ANO3: variants seen among roughly 807,000 people sequenced by gnomAD.
ANO3 encodes the protein anoctamin 3, also known as anoctamin-3.
A neutral mutation model predicts 144.8 loss-of-function variants in ANO3; 99 were observed. That is an observed-to-expected ratio of 0.68 (90% confidence interval 0.58 to 0.81). The LOEUF (loss-of-function observed/expected upper bound fraction) is 0.81. Ranked by LOEUF, ANO3 falls within the 30% of genes least tolerant of loss-of-function variation. ANO3 has a pLI of 0.00. For synonymous variants in ANO3, 414 were observed against 392.6 expected (o/e 1.05, Z -0.64); for missense variants, 905 against 1,202.2 (o/e 0.75, Z 3.66).
chr11:26,584,552 C>A (rs1186234959), intron 14 of ANO3, among the ~76,000 whole-genome samples: 1 of 152,014 alleles, frequency 6.6e-6, no homozygotes, highest in Non-Finnish European at 1.5e-5. Context: ...AAATTCAGTT[C>A]AATTTGATGA....
chr11:26,424,934 A>C (rs1857875420), intron 1 of ANO3, among the ~76,000 whole-genome samples: 1 of 152,030 alleles, frequency 6.6e-6, no homozygotes, highest in African/African-American at 2.4e-5. Context: ...CATGTGCACA[A>C]CGTGCAGGTT....
chr11:26,639,316 T>A, intron 21 of ANO3, 75 bp downstream of exon 21: 1 of 1,106,898 alleles, frequency 9.0e-7, no homozygotes, highest in Non-Finnish European at 1.4e-6. Context: ...GAGTAGTGCT[T>A]AAGAATTTGG....
At chr11:26,423,943 C>A (rs1178069083) in intron 1 of ANO3, among the ~76,000 whole-genome samples, 1 of 151,828 alleles carries the variant, frequency 6.6e-6, no homozygotes, top group African/African-American at 2.4e-5. Flanking sequence ...CTCCTAGTTT[C>A]ATTTCCCATC....
chr11:26,246,561 A>C (rs901182031), intron 1 of ANO3, among the ~76,000 whole-genome samples: 60 of 148,254 alleles, frequency 4.0e-4, no homozygotes, highest in African/African-American at 1.4e-3. Flanking sequence ...TCTTTTGCTT[A>C]ATTTTCTTTT....
intron 8 of ANO3, among the ~76,000 whole-genome samples, chr11:26,532,950 G>C (rs1849410982): frequency 6.6e-6 from 1 of 152,110 alleles, no homozygotes; most frequent in Non-Finnish European, 1.5e-5. Context: ...AAATTGAATT[G>C]ATCTGCTTAA....
intron 4 of ANO3, among the ~76,000 whole-genome samples, chr11:26,469,568 A>T (rs932556065): frequency 3.3e-5 from 5 of 151,854 alleles, no homozygotes; most frequent in African/African-American, 1.2e-4. Context: ...AAAATAAACA[A>T]TTTTTCTAAT....
intron 1 of ANO3, among the ~76,000 whole-genome samples, chr11:26,263,015 G>A (rs1853226933): frequency 6.6e-6 from 1 of 152,170 alleles, no homozygotes; most frequent in Non-Finnish European, 1.5e-5. Flanking sequence ...TGATGTCTGT[G>A]TTCTTATTTT....
intron 1 of ANO3, among the ~76,000 whole-genome samples, chr11:26,258,300 C>T (rs1002520512): frequency 2.7e-4 from 41 of 152,034 alleles, no homozygotes; most frequent in Admixed American, 5.9e-4. Flanking sequence ...TCTTATTGAA[C>T]AAAAAATGTA....
intron 1 of ANO3, among the ~76,000 whole-genome samples, chr11:26,230,892 T>C (rs12222295): frequency 6.9e-6 from 1 of 144,540 alleles, no homozygotes. Context: ...TTTTTCTTTT[T>C]TTTTTTTTTT....
intron 4 of ANO3, among the ~76,000 whole-genome samples, chr11:26,492,498 A>G (rs958710822): frequency 6.6e-6 from 1 of 152,194 alleles, no homozygotes; most frequent in African/African-American, 2.4e-5. Context: ...TGCTTATTAT[A>G]TGTTAGATAG....
intron 1 of ANO3, among the ~76,000 whole-genome samples, chr11:26,243,127 G>T (rs941457629): frequency 6.6e-6 from 1 of 152,194 alleles, no homozygotes; most frequent in Admixed American, 6.5e-5. Flanking sequence ...GAAGAATGAA[G>T]AAATGCCAAA....
At chr11:26,308,099 C>G (rs1854425459), upstream of ANO3, among the ~76,000 whole-genome samples, 1 of 152,146 alleles carries the variant, frequency 6.6e-6, no homozygotes, top group South Asian at 2.1e-4. Flanking sequence ...TGGTCTTAGT[C>G]TCCTCAAAAT....
At chr11:26,652,537 T>G (rs1239918023) in intron 24 of ANO3, among the ~76,000 whole-genome samples, 1 of 152,226 alleles carries the variant, frequency 6.6e-6, no homozygotes, top group Admixed American at 6.5e-5. Context: ...TCTTTCCCTA[T>G]CTGAAACCAT....
chr11:26,318,874 A>G (rs1854690224), intron 1 of ANO3, among the ~76,000 whole-genome samples: 1 of 152,162 alleles, frequency 6.6e-6, no homozygotes, highest in Admixed American at 6.5e-5. Context: ...AATTTGTTTT[A>G]ATGTTTAGTT....
At chr11:26,649,247 C>A (rs956258891) in intron 24 of ANO3, among the ~76,000 whole-genome samples, 1 of 152,144 alleles carries the variant, frequency 6.6e-6, no homozygotes, top group East Asian at 1.9e-4. Flanking sequence ...CAGATGTATT[C>A]TATTCATGTA....
intron 1 of ANO3, among the ~76,000 whole-genome samples, chr11:26,298,271 C>T (rs1854138061): frequency 6.6e-6 from 1 of 152,004 alleles, no homozygotes; most frequent in Admixed American, 6.6e-5. Context: ...TCCCAGGGCA[C>T]CCACAAAGGG....
chr11:26,236,675 G>A (rs1047477592), intron 1 of ANO3, among the ~76,000 whole-genome samples: 14 of 151,640 alleles, frequency 9.2e-5, no homozygotes, highest in Non-Finnish European at 1.5e-4. Context: ...AAAATTAGCC[G>A]GGCATGGTGG....
At chr11:26,553,215 T>C (rs765503439) in intron 12 of ANO3, 34 bp from the exon 13 acceptor site, 7 of 1,211,652 alleles carry the variant, frequency 5.8e-6, no homozygotes, top group Non-Finnish European at 8.2e-6. Flanking sequence ...TCATGCTATG[T>C]TTTGTTTTGT....
chr11:26,378,999 T>C (rs529934054), intron 1 of ANO3, among the ~76,000 whole-genome samples: 1 of 143,590 alleles, frequency 7.0e-6, no homozygotes, highest in South Asian at 2.2e-4. Context: ...AACATAATGA[T>C]AGGCAACACA....
Sources: allele counts gnomAD v4.1 joint callset (sites outside exome capture counted in the v4.1 genomes callset), GRCh38; gene constraint gnomAD v4.1.1; transcripts MANE v1.5; gene names NCBI Gene and HGNC (gene_info 2026-07-23, HGNC 2026-07-21).